The following TMEFF2 variants were observed in gnomAD, a reference collection of about 807,000 sequenced individuals.
The protein encoded by TMEFF2 is tomoregulin-2.
Under a neutral mutation model 53.8 loss-of-function variants are expected in TMEFF2, and 28 were observed. The observed-to-expected ratio is 0.52, with a 90% CI of 0.39 to 0.71. The LOEUF is 0.71. TMEFF2 is among the 30% of genes least tolerant of loss of function. The pLI is 0.00. For missense variants in TMEFF2, 353 were observed against 455.2 expected, an observed-to-expected ratio of 0.78 and a Z score of 2.04; for synonymous variants, 162 against 166.3, an observed-to-expected ratio of 0.97 and a Z score of 0.20.
chr2:192,049,412 C>T (rs549159144), intron 5 of TMEFF2, among the ~76,000 whole-genome samples: 1 of 152,244 alleles, frequency 6.6e-6, no homozygotes, highest in South Asian at 2.1e-4. Context: ...TAAATCTAGA[C>T]ATTTAGGATG....
intron 4 of TMEFF2, among the ~76,000 whole-genome samples, chr2:192,157,299 C>T (rs1690528105): frequency 6.6e-6 from 1 of 151,970 alleles, no homozygotes; most frequent in Non-Finnish European, 1.5e-5. Flanking sequence ...CTCTTAGTAA[C>T]CTGGACATCT....
intron 5 of TMEFF2, chr2:192,044,154 T>C (rs1391499223): frequency 3.9e-5 from 6 of 152,188 alleles, no homozygotes; most frequent in African/African-American, 1.2e-4. Context: ...ATCAGGGGTA[T>C]GTTAATTCTC....
intron 1 of TMEFF2, among the ~76,000 whole-genome samples, chr2:192,193,037 T>A (rs1346993073): frequency 2.6e-5 from 4 of 152,234 alleles, no homozygotes; most frequent in Admixed American, 2.6e-4. Context: ...ATTAGAATGA[T>A]GCATAATAAT....
At chr2:192,094,299 T>C (rs926705156) in intron 4 of TMEFF2, among the ~76,000 whole-genome samples, 1 of 152,194 alleles carries the variant, frequency 6.6e-6, no homozygotes, top group Non-Finnish European at 1.5e-5. Context: ...CTCATGTTTC[T>C]TTGCATTTGT....
chr2:192,087,332 A>G (rs1688690442), intron 4 of TMEFF2, among the ~76,000 whole-genome samples: 1 of 152,144 alleles, frequency 6.6e-6, no homozygotes, highest in African/African-American at 2.4e-5. Context: ...TGCGGAAATC[A>G]TAAGTTGGAG....
intron 4 of TMEFF2, among the ~76,000 whole-genome samples, chr2:192,085,476 C>G (rs560820301): frequency 6.6e-6 from 1 of 152,276 alleles, no homozygotes; most frequent in East Asian, 1.9e-4. Context: ...TTAAATGAAT[C>G]TGACAGCAGC....
At chr2:192,012,679 T>C (rs1686658704) in intron 5 of TMEFF2, among the ~76,000 whole-genome samples, 1 of 152,192 alleles carries the variant, frequency 6.6e-6, no homozygotes, top group East Asian at 1.9e-4. Flanking sequence ...AAATGTAAAG[T>C]TCTAATCAAA....
At chr2:192,089,676 C>A (rs1347896116) in intron 4 of TMEFF2, among the ~76,000 whole-genome samples, 2 of 152,144 alleles carry the variant, frequency 1.3e-5, no homozygotes, top group African/African-American at 4.8e-5. Flanking sequence ...GTAGCCGACA[C>A]ACAGTCATGT....
intron 7 of TMEFF2, among the ~76,000 whole-genome samples, chr2:191,989,783 C>A (rs2105824818): frequency 6.6e-6 from 1 of 152,218 alleles, no homozygotes; most frequent in South Asian, 2.1e-4. Flanking sequence ...CTTGATTAAG[C>A]CCATTTCTCT....
At chr2:191,957,114 CT>C (rs1692128143) in intron 7 of TMEFF2, among the ~76,000 whole-genome samples, 1 of 152,136 alleles carries the variant, frequency 6.6e-6, no homozygotes, top group African/African-American at 2.4e-5. Flanking sequence ...AAAGTGAACA[CT>C]TTTGCCTGCC....
At chr2:192,083,305 A>G (rs922609369) in intron 4 of TMEFF2, among the ~76,000 whole-genome samples, 1 of 152,104 alleles carries the variant, frequency 6.6e-6, no homozygotes, top group Non-Finnish European at 1.5e-5. Flanking sequence ...CCATCAGGTG[A>G]TCTGAAGGCT....
At chr2:192,184,559 C>A in intron 2 of TMEFF2, 76 bp from the exon 3 acceptor site, 1 of 1,549,718 alleles carries the variant, frequency 6.5e-7, no homozygotes, top group South Asian at 1.2e-5. Context: ...CAGAAATAAT[C>A]ATTTACAAAA....
intron 4 of TMEFF2, among the ~76,000 whole-genome samples, chr2:192,095,762 T>C (rs571567742): frequency 1.1e-4 from 16 of 152,312 alleles, no homozygotes; most frequent in African/African-American, 3.4e-4. Context: ...TTCTGCACTC[T>C]GGGAGCGCAG....
At chr2:192,064,751 A>T (rs1052494579) in intron 4 of TMEFF2, among the ~76,000 whole-genome samples, 28 of 151,868 alleles carry the variant, frequency 1.8e-4, no homozygotes, top group African/African-American at 5.8e-4. Flanking sequence ...AGAAGCTATT[A>T]AAAAGCTATC....
At chr2:192,153,501 G>A (rs1690435522) in intron 4 of TMEFF2, among the ~76,000 whole-genome samples, 1 of 151,638 alleles carries the variant, frequency 6.6e-6, no homozygotes, top group African/African-American at 2.4e-5. Context: ...CAGGTACCAG[G>A]GTCAACTTTA....
In TMEFF2 at chr2:192,099,852, T is replaced by C. The variant is rs541875524; in HGVS notation, c.440-42077A>G. ...GTAGTGCTTCTGAATCAACATAGTT[T>C]GACAAATAGATCAGTGGAAAAAATA... On this transcript the variant is annotated intron_variant, in intron 4 of 9. Transcript: ENST00000272771. 2.6e-5 allele frequency among the ~76,000 whole-genome samples: 3 copies of C among 114,660 alleles called. No homozygotes were observed. In the East Asian group the frequency reaches 7.0e-4, roughly 27 times the overall value. 75.2% of individuals were successfully genotyped at this position (114,660 alleles called of 152,430 possible).
chr2:192,178,198 G>T (rs527730831), intron 4 of TMEFF2: 6 of 151,076 alleles, frequency 4.0e-5, no homozygotes, highest in Non-Finnish European at 7.4e-5. Flanking sequence ...ACAGAATTTT[G>T]CATAGAAACT....
At chr2:192,006,083 T>C (rs1244606507) in intron 5 of TMEFF2, among the ~76,000 whole-genome samples, 3 of 150,862 alleles carry the variant, frequency 2.0e-5, no homozygotes, top group African/African-American at 7.3e-5. Context: ...TTTTAACTTA[T>C]AGTGGGCAAT....
intron 4 of TMEFF2, among the ~76,000 whole-genome samples, chr2:192,120,767 C>T (rs992242814): frequency 2.0e-5 from 3 of 151,102 alleles, no homozygotes; most frequent in Non-Finnish European, 2.9e-5. Context: ...GATGGAGTCT[C>T]GCTCTGTCGC....
Sources: allele counts gnomAD v4.1 joint callset (sites outside exome capture counted in the v4.1 genomes callset), GRCh38; gene constraint gnomAD v4.1.1; transcripts MANE v1.5; gene names NCBI Gene and HGNC (gene_info 2026-07-23, HGNC 2026-07-21).